Variants in RBFOX2 observed in about 807,000 individuals in gnomAD.
RBFOX2 encodes RNA binding protein fox-1 homolog 2.
In RBFOX2, 10 loss-of-function variants were observed where a neutral mutation model predicts 49.1. That is an observed-to-expected ratio of 0.20 (90% CI 0.13 to 0.35). RBFOX2 has a LOEUF of 0.35. Ranked by LOEUF, RBFOX2 falls within the 10% of genes least tolerant of loss-of-function variation. The pLI is 1.00. For missense variants in RBFOX2, 323 were observed against 486.9 expected (o/e 0.66, Z 3.17); for synonymous variants, 183 against 187.4 (o/e 0.98, Z 0.19).
intron 1 of RBFOX2, among the ~76,000 whole-genome samples, chr22:35,885,444 C>T (rs1358403529): frequency 6.6e-6 from 1 of 152,106 alleles, no homozygotes; most frequent in Non-Finnish European, 1.5e-5. Flanking sequence ...AAATCATGCC[C>T]ATTTTACAGA....
chr22:35,782,449 G>A (rs2147161222), intron 2 of RBFOX2, among the ~76,000 whole-genome samples: 1 of 152,216 alleles, frequency 6.6e-6, no homozygotes, highest in African/African-American at 2.4e-5. Context: ...AGCCTCCCGA[G>A]TAGCTGGGAC....
intron 2 of RBFOX2, among the ~76,000 whole-genome samples, chr22:35,790,221 C>A (rs1007315090): frequency 6.6e-6 from 1 of 152,148 alleles, no homozygotes; most frequent in Non-Finnish European, 1.5e-5. Flanking sequence ...TTTGAGCTGA[C>A]ATGTATATTC....
intron 1 of RBFOX2, among the ~76,000 whole-genome samples, chr22:35,856,966 A>T (rs551438171): frequency 7.0e-4 from 107 of 152,314 alleles, no homozygotes; most frequent in Admixed American, 1.6e-3. Context: ...CGGGAGGCAG[A>T]GGTTGCAGTG....
In RBFOX2 at chr22:35,875,095, A is replaced by G. The variant is rs542719392; in HGVS notation, c.-34+63752T>C. Among the ~76,000 whole-genome samples the G allele has an allele frequency of 2.6e-5, 4 of 152,344 alleles. No individual in the cohort carries two copies. In the South Asian group the frequency reaches 8.3e-4, roughly 32 times the overall value. The stretch of plus-strand genomic sequence containing the variant: ...CCTACAAGCCACAAGAGGAGGCTTC[A>G]GAATGAAATCTGCCTTGCTGGCTCC... On this transcript the variant is annotated intron_variant, in intron 1 of 13. Transcript: ENST00000359369.
chr22:35,953,210 CAA>C (rs34387129), intron 1 of RBFOX2, among the ~76,000 whole-genome samples: 2 of 22,420 alleles, frequency 8.9e-5, no homozygotes, highest in Admixed American at 3.8e-4. Context: ...GACTCCATCT[CAA>C]AAAAAAAAAA....
intron 1 of RBFOX2, among the ~76,000 whole-genome samples, chr22:35,957,812 A>C (rs1244637702): frequency 3.3e-5 from 5 of 152,244 alleles, no homozygotes. Context: ...TCTGAATGGA[A>C]TAACAGACTA....
At chr22:35,879,627 C>T (rs967352064) in intron 1 of RBFOX2, among the ~76,000 whole-genome samples, 1 of 152,226 alleles carries the variant, frequency 6.6e-6, no homozygotes, top group Non-Finnish European at 1.5e-5. Context: ...GAAAGTCAAA[C>T]AAGTACCTAG....
At position 35,772,764 on chromosome 22, in the gene RBFOX2, C is replaced by T. The variant is rs543587763; in HGVS notation, c.454-4415G>A. ...AGTGTGACAGCAATTTCACAGCCTG[C>T]CTTTACATCATCGAGGACATATAGG... On this transcript the variant is annotated intron_variant, in intron 4 of 11. Transcript: ENST00000405409. Among the ~76,000 whole-genome samples, 13 of 152,246 alleles carry T rather than the reference C, an allele frequency of 8.5e-5. No homozygotes were observed. In the South Asian group the frequency reaches 1.7e-3, roughly 19 times the overall value.
At chr22:35,808,199 A>G (rs1336253351) in intron 2 of RBFOX2, among the ~76,000 whole-genome samples, 1 of 152,204 alleles carries the variant, frequency 6.6e-6, no homozygotes, top group Non-Finnish European at 1.5e-5. Context: ...TTGGAAATGC[A>G]GTCAATACAT....
upstream of RBFOX2, among the ~76,000 whole-genome samples, chr22:35,939,439 T>A (rs1446527987): frequency 6.6e-6 from 1 of 152,208 alleles, no homozygotes. Flanking sequence ...TATTTATTTA[T>A]TTTTTGTTTT....
chr22:35,963,468 T>C (rs933352068), upstream of RBFOX2, among the ~76,000 whole-genome samples: 10 of 152,132 alleles, frequency 6.6e-5, no homozygotes, highest in Non-Finnish European at 1.5e-4. Flanking sequence ...CACTAATAAT[T>C]ATTAAGTATA....
At chr22:35,976,481 T>C (rs987248714) in intron 1 of RBFOX2, among the ~76,000 whole-genome samples, 2 of 152,160 alleles carry the variant, frequency 1.3e-5, no homozygotes, top group African/African-American at 4.8e-5. Flanking sequence ...AATATTTCCC[T>C]TGTGTATTCA....
chr22:35,862,962 ATT>A (rs998001761), intron 1 of RBFOX2, among the ~76,000 whole-genome samples: 1 of 152,142 alleles, frequency 6.6e-6, no homozygotes, highest in African/African-American at 2.4e-5. Flanking sequence ...ATTGAAGGAC[ATT>A]TAAAAGAGAT....
At chr22:35,925,678 G>A (rs2051546683) in intron 1 of RBFOX2, among the ~76,000 whole-genome samples, 1 of 152,226 alleles carries the variant, frequency 6.6e-6, no homozygotes, top group Non-Finnish European at 1.5e-5. Flanking sequence ...AATAGTGTAA[G>A]TAAAGGAATT....
intron 1 of RBFOX2, among the ~76,000 whole-genome samples, chr22:35,861,371 TGA>T (rs1373651002): frequency 6.6e-6 from 1 of 152,150 alleles, no homozygotes; most frequent in Admixed American, 6.5e-5. Flanking sequence ...AAGCCACAAC[TGA>T]GAGAAAATGC....
At chr22:35,803,883 A>G (rs1211308392) in intron 2 of RBFOX2, among the ~76,000 whole-genome samples, 6 of 152,206 alleles carry the variant, frequency 3.9e-5, no homozygotes, top group Admixed American at 6.5e-5. Context: ...GAACAGAAGG[A>G]AAAAAGATCC....
chr22:35,882,040 G>GA (rs893741881), intron 1 of RBFOX2, among the ~76,000 whole-genome samples: 10 of 151,602 alleles, frequency 6.6e-5, no homozygotes, highest in African/African-American at 2.4e-4. Context: ...TATGTTAAAG[G>GA]AAAAAAACAT....
chr22:35,746,340 G>C (rs1932768951), intron 10 of RBFOX2, 133 bp downstream of exon 12: 2 of 827,046 alleles, frequency 2.4e-6, no homozygotes, highest in African/African-American at 3.4e-5. Flanking sequence ...GAGGTCTGCA[G>C]AAAGCCCAGG....
intron 1 of RBFOX2, among the ~76,000 whole-genome samples, chr22:35,896,470 G>A (rs2047856744): frequency 6.6e-6 from 1 of 152,224 alleles, no homozygotes; most frequent in South Asian, 2.1e-4. Flanking sequence ...GCTCCTTCCT[G>A]CTTATAAAAT....
Sources: gnomAD v4.1 joint callset for allele counts (sites outside exome capture counted in the v4.1 genomes callset) on GRCh38, gnomAD v4.1.1 for gene constraint, MANE v1.5 for transcripts, NCBI Gene and HGNC (gene_info 2026-07-23, HGNC 2026-07-21) for gene names.